The following PCNX1 variants were observed in gnomAD, a reference collection of about 807,000 sequenced individuals.
PCNX1 encodes the protein pecanex 1.
PCNX1 carries 78 observed loss-of-function variants against 242.2 expected under a neutral mutation model. The observed-to-expected ratio is 0.32, with a 90% CI of 0.27 to 0.39. PCNX1 has a LOEUF of 0.39. Among genes scored for constraint, PCNX1 ranks in the 10% least tolerant of loss-of-function variants. The pLI, the probability that PCNX1 is intolerant of heterozygous loss-of-function variation, is 1.00. For synonymous variants in PCNX1, 1,024 were observed against 1,032.9 expected (o/e 0.99, Z 0.17); for missense variants, 2,581 against 2,856.5 (o/e 0.90, Z 2.20).
At chr14:71,003,932 C>T (rs1408707302) in intron 8 of PCNX1, among the ~76,000 whole-genome samples, 2 of 152,138 alleles carry the variant, frequency 1.3e-5, no homozygotes, top group East Asian at 3.8e-4. Context: ...AAGACTTGTT[C>T]TAAATATTGA....
intron 7 of PCNX1, among the ~76,000 whole-genome samples, chr14:70,992,978 A>G (rs1362307027): frequency 6.6e-6 from 1 of 152,132 alleles, no homozygotes; most frequent in Non-Finnish European, 1.5e-5. Flanking sequence ...ACATGGATCC[A>G]TCATTTTAGA....
rs1352059864 is a variant in PCNX1 at position 71,113,645 on chromosome 14, A to G, written c.*3710A>G. On this transcript the variant is annotated 3_prime_UTR_variant, in exon 36 of 36. Coordinates refer to ENST00000304743, the MANE Select transcript of PCNX1 (RefSeq NM_014982.3). ...TAAGCTGAAGATTCACCCAGTGTCT[A>G]AAGTTGTCCTTTTCTTATAGCTAGC... The G allele has an allele frequency of 1.3e-5, 2 of 152,478 alleles. No homozygotes were observed. Among genetic ancestry groups the G allele is most frequent in the Non-Finnish European group, 2.9e-5 (2 of 68,034 alleles). 9.4% of individuals were successfully genotyped at this position (152,478 alleles called of 1,614,324 possible).
chr14:70,927,886 C>T (rs1042539187), intron 1 of PCNX1, among the ~76,000 whole-genome samples: 4 of 152,066 alleles, frequency 2.6e-5, no homozygotes, highest in African/African-American at 9.7e-5. Flanking sequence ...CTGCGCCAGG[C>T]CTGATTTTCA....
chr14:70,924,273 C>A (rs950661700), intron 1 of PCNX1, among the ~76,000 whole-genome samples: 9 of 148,244 alleles, frequency 6.1e-5, no homozygotes, highest in African/African-American at 2.2e-4. Flanking sequence ...CAGAAAAAAA[C>A]CTACCAAATT....
intron 1 of PCNX1, among the ~76,000 whole-genome samples, chr14:70,944,341 A>C (rs2057379913): frequency 6.6e-6 from 1 of 152,206 alleles, no homozygotes; most frequent in African/African-American, 2.4e-5. Context: ...TGAGACATGG[A>C]GTCAAAGGAG....
rs149857784 is a variant in PCNX1 at position 71,046,876 on chromosome 14, T to G, written c.4019-88T>G. 687 of 1,009,836 alleles carry G rather than the reference T, an allele frequency of 6.8e-4. 2 individuals are homozygous for G. The African/African-American group carries it at 9.8e-3, about 14-fold the overall frequency. The allele number at this position is 1,009,836 out of a possible 1,614,324, so 62.6% of individuals were successfully genotyped here. On this transcript the variant is annotated intron_variant, in intron 20 of 35. Coordinates refer to ENST00000304743, the MANE Select transcript of PCNX1 (RefSeq NM_014982.3). ...AAACAGTTTATTTGTAGTTTGGTAC[T>G]AAATTTGTTGTAAAATTTTTCTTTC...
At chr14:71,083,372 G>C (rs562030059) in intron 28 of PCNX1, among the ~76,000 whole-genome samples, 1 of 151,538 alleles carries the variant, frequency 6.6e-6, no homozygotes, top group Admixed American at 6.6e-5. Context: ...GGTGTTCTCT[G>C]TATTTCCTGA....
At chr14:70,957,989 T>G (rs1392071929) in intron 2 of PCNX1, among the ~76,000 whole-genome samples, 1 of 152,200 alleles carries the variant, frequency 6.6e-6, no homozygotes, top group African/African-American at 2.4e-5. Flanking sequence ...ATAATATTGC[T>G]GAATATTTGA....
rs191327031 is a variant in PCNX1, at chr14:71,076,619, C to G, written c.5337+200C>G. Among the ~76,000 whole-genome samples, 12 of 152,294 alleles carry G rather than the reference C, an allele frequency of 7.9e-5. No homozygotes were observed. The East Asian group carries it at 2.3e-3, about 29-fold the overall frequency. On this transcript the variant is annotated intron_variant, in intron 28 of 35. Transcript: ENST00000304743. ...GTTAAAGGAAGTGGCCTCCCTCTTT[C>G]TTTCATTTGCAGTGTCCCAGTCTCA... is the stretch of plus-strand genomic sequence containing the variant.
intron 2 of PCNX1, among the ~76,000 whole-genome samples, chr14:70,949,303 A>C (rs1290034003): frequency 7.1e-6 from 1 of 141,184 alleles, no homozygotes; most frequent in Non-Finnish European, 1.5e-5. Flanking sequence ...GTGTACACAC[A>C]TATGTGTGTA....
At chr14:70,918,692 C>T (rs1444617157) in intron 1 of PCNX1, among the ~76,000 whole-genome samples, 1 of 152,136 alleles carries the variant, frequency 6.6e-6, no homozygotes, top group African/African-American at 2.4e-5. Context: ...ATAAGATCTG[C>T]CTGCATTTTG....
intron 6 of PCNX1, among the ~76,000 whole-genome samples, chr14:70,983,362 T>C (rs1046120311): frequency 4.6e-5 from 7 of 152,066 alleles, no homozygotes; most frequent in African/African-American, 1.7e-4. Flanking sequence ...TGGAGTGCAG[T>C]GGTACAATCA....
chr14:71,048,929 T>C (rs36089307), intron 22 of PCNX1: 41,453 of 420,862 alleles, frequency 0.098, 3,010 homozygotes, highest in African/African-American at 0.27. Flanking sequence ...TTCTAAAATA[T>C]TTCAATATTA....
chr14:71,003,819 A>G (rs530317195), intron 8 of PCNX1, among the ~76,000 whole-genome samples: 2 of 152,226 alleles, frequency 1.3e-5, no homozygotes, highest in Non-Finnish European at 2.9e-5. Context: ...TTTCCTTACC[A>G]GTCCCCAAAG....
At chr14:71,045,982 T>C (rs534247860) in intron 20 of PCNX1, among the ~76,000 whole-genome samples, 1 of 152,268 alleles carries the variant, frequency 6.6e-6, no homozygotes, top group East Asian at 1.9e-4. Flanking sequence ...ATAATAAATG[T>C]TCATACCTGT....
At chr14:70,926,043 A>G (rs1159161433) in intron 1 of PCNX1, among the ~76,000 whole-genome samples, 1 of 152,098 alleles carries the variant, frequency 6.6e-6, no homozygotes, top group Admixed American at 6.6e-5. Flanking sequence ...TGTCCTTCCC[A>G]TCTCCATCTA....
intron 30 of PCNX1, chr14:71,092,959 G>A (rs549103405): frequency 6.6e-6 from 1 of 152,280 alleles, no homozygotes; most frequent in East Asian, 1.9e-4. Flanking sequence ...ATTGGACAAT[G>A]CCTGTGGCCA....
In PCNX1 at chr14:71,057,825, T is replaced by A. The variant is rs2061223931; in HGVS notation, c.4852+101T>A. On this transcript the variant is annotated intron_variant, in intron 26 of 35. Transcript: ENST00000304743. The stretch of plus-strand genomic sequence containing the variant: ...CCAGAAGTTGTCATAGAATTAGATA[T>A]TTGGGATTGTGGAATGAGAAAAGTT... 4 of 822,328 alleles carry A rather than the reference T, an allele frequency of 4.9e-6. No individual in the cohort carries two copies. The African/African-American group carries it at 5.1e-5, about 11-fold the overall frequency. 50.9% of individuals were successfully genotyped at this position (822,328 alleles called of 1,614,324 possible).
At chr14:70,942,564 T>C (rs921284944) in intron 1 of PCNX1, among the ~76,000 whole-genome samples, 4 of 152,118 alleles carry the variant, frequency 2.6e-5, no homozygotes, top group African/African-American at 9.7e-5. Flanking sequence ...ATCCTCCAAT[T>C]CAATTCAATT....
Sources: gnomAD v4.1 joint callset for allele counts (sites outside exome capture counted in the v4.1 genomes callset) on GRCh38, gnomAD v4.1.1 for gene constraint, MANE v1.5 for transcripts, NCBI Gene and HGNC (gene_info 2026-07-23, HGNC 2026-07-21) for gene names.